MYRF: variants seen among roughly 807,000 people sequenced by gnomAD.
The protein encoded by MYRF is myelin regulatory factor, also known as myelin gene regulatory factor.
A neutral mutation model predicts 126.3 loss-of-function variants in MYRF; 16 were observed. The ratio of observed to expected loss-of-function variants is 0.13; its 90% confidence interval spans 0.09 to 0.19. MYRF has a LOEUF of 0.19. MYRF is among the 10% of genes least tolerant of loss of function. MYRF has a pLI of 1.00. For missense variants in MYRF, 1,104 were observed against 1,547.0 expected (o/e 0.71, Z 4.80); for synonymous variants, 608 against 635.3 (o/e 0.96, Z 0.65).
chr11:61,767,332 C>A (rs1011398314), intron 3 of MYRF: 1 of 456,550 alleles, frequency 2.2e-6, no homozygotes, highest in Non-Finnish European at 4.4e-6. Context: ...CCTATGATTG[C>A]GTGAGCTCAT....
Position 61,777,232 on chromosome 11 carries a change from C to T in MYRF, c.1591-32C>T. 6.2e-7 allele frequency: 1 copy of T among 1,603,260 alleles called. No individual in the cohort carries two copies. The highest frequency in any genetic ancestry group is 2.2e-5 in the East Asian group (1 of 44,774). On this transcript the variant is annotated intron_variant, in intron 11 of 26. Transcript: ENST00000278836. This position sits in a 1 kb window ranked among gnomAD's most constrained non-coding sequence, Gnocchi z 8.8. ...GGCCCTGCAGGTCCCCTCCCTATCC[C>T]CCAGGACTGATCCAGCCCCAACTCG...
Position 61,783,712 on chromosome 11 carries a change from G to A in MYRF, c.3119+112G>A. ...AGGGAGGAGCCTCCCCCATAAGGAA[G>A]GGTAGCCCCTTTCCAGGCTACCCTT... On this transcript the variant is annotated intron_variant, in intron 23 of 26. Transcript: ENST00000278836. This position sits in a 1 kb window ranked among gnomAD's most constrained non-coding sequence, Gnocchi z 4.6. The A allele has an allele frequency of 2.9e-6, 4 of 1,356,058 alleles. No individual in the cohort carries two copies. The highest frequency in any genetic ancestry group is 4.1e-6 in the Non-Finnish European group (4 of 964,996). The allele number at this position is 1,356,058 out of a possible 1,614,324, so 84.0% of individuals were successfully genotyped here. A position where few individuals can be genotyped will look rare whatever the true frequency, so the allele number is the denominator to read the frequency against.
In MYRF at chr11:61,777,439, T is replaced by A; in HGVS notation, c.1766T>A (p.Leu589Gln). ...VMGSLMHPSDLRAKEHVQEVD... is the reference protein window; with the variant it reads ...VMGSLMHPSDQRAKEHVQEVD... Reference sequence around the variant, plus strand: ...GGCTCGCTTATGCACCCCTCCGACCTGCGCGCCAAGGAACACGTGCAGGAG... The same window carrying A: ...GGCTCGCTTATGCACCCCTCCGACCAGCGCGCCAAGGAACACGTGCAGGAG... The change falls in exon 12 of 27, where the codon CTG becomes CAG. Residue 589 changes from leucine (L) to glutamine (Q), a missense_variant. Transcript: ENST00000278836. This position sits in a 1 kb window ranked among gnomAD's most constrained non-coding sequence, Gnocchi z 8.8. The A allele has an allele frequency of 2.5e-6, 4 of 1,605,516 alleles. No individual in the cohort carries two copies. Among genetic ancestry groups the A allele is most frequent in the Non-Finnish European group, 2.6e-6 (3 of 1,176,254 alleles).
chr11:61,759,473 C>T (rs1241373174), intron 1 of MYRF, among the ~76,000 whole-genome samples: 1 of 152,148 alleles, frequency 6.6e-6, no homozygotes, highest in Non-Finnish European at 1.5e-5. Context: ...AGTTCGAGAC[C>T]AGCCTGGCCA....
At chr11:61,764,278 G>C (rs1160557750) in intron 1 of MYRF, among the ~76,000 whole-genome samples, 1 of 152,214 alleles carries the variant, frequency 6.6e-6, no homozygotes. Context: ...GGCTCCCGGG[G>C]ACCCCAGGGC....
intron 1 of MYRF, among the ~76,000 whole-genome samples, chr11:61,760,712 G>T (rs1375877583): frequency 6.6e-6 from 1 of 152,178 alleles, no homozygotes; most frequent in Admixed American, 6.5e-5. Context: ...CCTCCTGGGG[G>T]TCACCTCGTT....
intron 1 of MYRF, among the ~76,000 whole-genome samples, chr11:61,764,993 G>A (rs958515096): frequency 2.0e-5 from 3 of 152,224 alleles, no homozygotes; most frequent in African/African-American, 7.2e-5. Context: ...GAGGGTGCAG[G>A]GAGCTCTCCT....
At chr11:61,780,099 G>T in intron 17 of MYRF, 123 bp from the exon 18 acceptor site, 2 of 1,297,730 alleles carry the variant, frequency 1.5e-6, no homozygotes, top group South Asian at 2.5e-5. Flanking sequence ...CCTCTGGGGT[G>T]ACCCATTTTG....
intron 3 of MYRF, chr11:61,767,020 T>C: frequency 2.2e-6 from 1 of 456,550 alleles, no homozygotes; most frequent in South Asian, 1.5e-5. Context: ...GTTTCTTCTG[T>C]GAAGTGAGCC....
Position 61,771,923 on chromosome 11 carries a change from G to C in MYRF, c.1086G>C (p.Ala362=), listed in dbSNP as rs201753383. The change falls in exon 7 of 27, where the codon GCG becomes GCC. Residue 362 remains alanine (A), a synonymous_variant. Coordinates refer to ENST00000278836, the MANE Select transcript of MYRF (RefSeq NM_001127392.3). ...KWQPHQQNKW[A]TLYDANYKEL... is the part of the protein sequence containing the mutation. ...AGCCTCATCAGCAGAACAAGTGGGC[G>C]ACCCTGTACGATGCTAACTACAAGG... 18 of 1,614,062 alleles carry C rather than the reference G, an allele frequency of 1.1e-5. 1 individual carries two copies. The highest frequency in any genetic ancestry group is 3.3e-4 in the Middle Eastern group (2 of 6,062).
At chr11:61,761,889 CAG>C (rs1435413742) in intron 1 of MYRF, among the ~76,000 whole-genome samples, 2 of 152,206 alleles carry the variant, frequency 1.3e-5, no homozygotes, top group African/African-American at 4.8e-5. Context: ...GGGCTGGGCA[CAG>C]AGTGGCCACT....
chr11:61,753,771 C>G (rs1002832884), intron 1 of MYRF, among the ~76,000 whole-genome samples: 1 of 152,204 alleles, frequency 6.6e-6, no homozygotes, highest in African/African-American at 2.4e-5. Flanking sequence ...AACTCCCTGT[C>G]TTTTCCTGGA....
chr11:61,767,398 C>T (rs1007538433), intron 3 of MYRF: 8 of 456,660 alleles, frequency 1.8e-5, no homozygotes, highest in Non-Finnish European at 2.6e-5. Context: ...CTGGCCACTG[C>T]TACCGTCAGG....
rs1427606983 is a variant in MYRF, at chr11:61,777,814, C to T, written c.1872C>T (p.Ser624=). The T allele has an allele frequency of 3.2e-6, 5 of 1,552,342 alleles. No homozygotes were observed. The African/African-American group carries it at 4.1e-5, about 13-fold the overall frequency. The change falls in exon 13 of 27, where the codon AGC becomes AGT. Residue 624 remains serine, a synonymous_variant. Coordinates refer to ENST00000278836, the MANE Select transcript of MYRF (RefSeq NM_001127392.3). The surrounding 1 kb of genome is among the most constrained non-coding windows in gnomAD (Gnocchi z 8.8). ...GATACAAGCCCGAGTTCGCCGCCAG[C>T]GCGGGCATCGAGGCCACCGCGCCAG... The part of the protein sequence containing the change: ...HYRYKPEFAA[S]AGIEATAPET...
Position 61,779,380 on chromosome 11 carries a change from C to A in MYRF, c.2131C>A (p.Arg711=). The A allele has an allele frequency of 6.4e-7, 1 of 1,551,222 alleles. No homozygotes were observed. Among genetic ancestry groups the A allele is most frequent in the Non-Finnish European group, 8.7e-7 (1 of 1,146,920 alleles). The part of the protein sequence containing the change: ...RWSHKLAKLR[R]LDSLKSTGSS... ...GAGCCACAAGCTGGCCAAGCTGCGG[C>A]GGCTCGACAGCCTCAAGTCCACCGG... is the stretch of plus-strand genomic sequence containing the variant. Residue 711 remains arginine, a synonymous_variant, in exon 15 of 27, where the codon CGG becomes AGG. Coordinates refer to ENST00000278836, the MANE Select transcript of MYRF (RefSeq NM_001127392.3).
In MYRF at chr11:61,786,161, G is replaced by A; in HGVS notation, c.*18G>A. The stretch of plus-strand genomic sequence containing the variant: ...GTGACTGAGCTGCCCTCCTGAGGCA[G>A]CACCACACCAGGGACCAGGGGTGCC... On this transcript the variant is annotated 3_prime_UTR_variant, in exon 27 of 27. Coordinates refer to ENST00000278836, the MANE Select transcript of MYRF (RefSeq NM_001127392.3). This position sits in a 1 kb window ranked among gnomAD's most constrained non-coding sequence, Gnocchi z 4.5. 1 of 1,613,058 alleles carries A rather than the reference G, an allele frequency of 6.2e-7. No homozygotes were observed. Among genetic ancestry groups the A allele is most frequent in the South Asian group, 1.1e-5 (1 of 91,064 alleles).
rs1195657122 is a variant in MYRF at position 61,787,927 on chromosome 11, C to G, written c.*1784C>G. The G allele has an allele frequency of 6.5e-6, 1 of 152,910 alleles. No individual in the cohort carries two copies. Among genetic ancestry groups the G allele is most frequent in the Middle Eastern group, 3.4e-3 (1 of 294 alleles). The allele number at this position is 152,910 out of a possible 1,614,324, so 9.5% of individuals were successfully genotyped here. ...CTGCCCCATGGAGCCCATCTGGACA[C>G]AGCACAGCCCCAAAACCGTTAGCAG... is the stretch of plus-strand genomic sequence containing the variant. On this transcript the variant is annotated 3_prime_UTR_variant, in exon 27 of 27. Transcript: ENST00000278836.
At chr11:61,760,621 G>A (rs918089600) in intron 1 of MYRF, among the ~76,000 whole-genome samples, 1 of 152,188 alleles carries the variant, frequency 6.6e-6, no homozygotes, top group African/African-American at 2.4e-5. Flanking sequence ...GGACAGCCTG[G>A]GCGGAGGTGT....
chr11:61,784,607 TGGAGACGTGG>T, intron 25 of MYRF: 2 of 547,284 alleles, frequency 3.7e-6, no homozygotes, highest in Non-Finnish European at 6.6e-6. Context: ...CCTGCCGTGC[TGGAGACGTGG>T]GGAAGACAGC....
Sources: gnomAD v4.1 joint callset for allele counts (sites outside exome capture counted in the v4.1 genomes callset) on GRCh38, gnomAD v4.1.1 for gene constraint, Gnocchi (gnomAD v3.1) non-coding constraint, MANE v1.5 for transcripts, NCBI Gene and HGNC (gene_info 2026-07-23, HGNC 2026-07-21) for gene names.